Variants in ULK4 observed in about 807,000 individuals in gnomAD.
ULK4 encodes the protein inactive serine/threonine-protein kinase ULK4.
In ULK4, 133 loss-of-function variants were observed where a neutral mutation model predicts 160.6. The ratio of observed to expected loss-of-function variants is 0.83; its 90% confidence interval spans 0.72 to 0.96. The LOEUF (loss-of-function observed/expected upper bound fraction) is 0.96. Among genes scored for constraint, ULK4 ranks in the 40% least tolerant of loss-of-function variants. The pLI is 0.00. For missense variants in ULK4, 1,580 were observed against 1,499.5 expected (o/e 1.05, Z -0.89); for synonymous variants, 534 against 539.8 (o/e 0.99, Z 0.15).
chr3:41,947,769 A>G (rs1414229657), intron 2 of ULK4, among the ~76,000 whole-genome samples: 1 of 152,192 alleles, frequency 6.6e-6, no homozygotes, highest in East Asian at 1.9e-4. Context: ...AACCATTTGA[A>G]TGGAGTGTTT....
intron 2 of ULK4, among the ~76,000 whole-genome samples, chr3:41,940,634 G>T (rs1191961276): frequency 6.6e-6 from 1 of 151,904 alleles, no homozygotes; most frequent in Non-Finnish European, 1.5e-5. Context: ...TCCAGCCTGG[G>T]CAAGACAGCA....
chr3:41,601,424 G>A (rs1403070411), intron 31 of ULK4, among the ~76,000 whole-genome samples: 9 of 152,122 alleles, frequency 5.9e-5, no homozygotes, highest in Non-Finnish European at 1.2e-4. Context: ...TGCCCCCAAG[G>A]AGATAGAGCT....
rs1175663892 is a variant in ULK4, at chr3:41,747,146, G to T, written c.2321+7215C>A. Among the ~76,000 whole-genome samples, 5 of 151,960 alleles carry T rather than the reference G, an allele frequency of 3.3e-5. No individual in the cohort carries two copies. In the East Asian group the frequency reaches 7.7e-4, roughly 23 times the overall value. ...AATACACACCATTAAAGGAAAAAAT[G>T]ATAAAGTGAACCCATTAAAATTCAA... On this transcript the variant is annotated intron_variant, in intron 22 of 36. Coordinates refer to ENST00000301831, the MANE Select transcript of ULK4 (RefSeq NM_017886.4).
At chr3:41,504,828 T>G (rs952032241) in intron 32 of ULK4, among the ~76,000 whole-genome samples, 2 of 152,042 alleles carry the variant, frequency 1.3e-5, no homozygotes, top group African/African-American at 4.8e-5. Flanking sequence ...TAATCAAGAG[T>G]CATAATTTAA....
rs537223187 is a variant in ULK4, at chr3:41,581,094, C to A, written c.3121-14964G>T. 4.6e-5 allele frequency among the ~76,000 whole-genome samples: 7 copies of A among 152,162 alleles called. No individual in the cohort carries two copies. The South Asian group carries it at 1.5e-3, about 32-fold the overall frequency. On this transcript the variant is annotated intron_variant, in intron 31 of 36. Coordinates refer to ENST00000301831, the MANE Select transcript of ULK4 (RefSeq NM_017886.4). Reference sequence around the variant, plus strand: ...CCCATTCACCCTTTCCCAGAATATACACTAATCAACCCAAGAACAATATAA... The same window carrying A: ...CCCATTCACCCTTTCCCAGAATATAAACTAATCAACCCAAGAACAATATAA...
chr3:41,515,416 A>T (rs2085718150), intron 32 of ULK4, among the ~76,000 whole-genome samples: 1 of 152,216 alleles, frequency 6.6e-6, no homozygotes, highest in African/African-American at 2.4e-5. Flanking sequence ...TGTGGATGAC[A>T]CAGAAAATGC....
intron 34 of ULK4, among the ~76,000 whole-genome samples, chr3:41,445,338 A>G (rs905062890): frequency 5.4e-4 from 82 of 152,336 alleles, no homozygotes; most frequent in African/African-American, 1.9e-3. Flanking sequence ...CCATCAAGCT[A>G]CCAATGACTT....
At chr3:41,636,081 T>C (rs1311643265) in intron 30 of ULK4, among the ~76,000 whole-genome samples, 1 of 152,008 alleles carries the variant, frequency 6.6e-6, no homozygotes, top group Non-Finnish European at 1.5e-5. Flanking sequence ...CCTCACTCAA[T>C]TCTCTACCTT....
chr3:41,475,650 C>T (rs1032423038), intron 32 of ULK4, among the ~76,000 whole-genome samples: 6 of 151,956 alleles, frequency 3.9e-5, no homozygotes, highest in African/African-American at 1.5e-4. Flanking sequence ...AAAAAAAGAA[C>T]GTTAAACTGA....
intron 17 of ULK4, among the ~76,000 whole-genome samples, chr3:41,859,120 G>A (rs1377633166): frequency 6.6e-6 from 1 of 152,188 alleles, no homozygotes; most frequent in East Asian, 1.9e-4. Flanking sequence ...TCTGGAGTCA[G>A]CACAGTTCAG....
chr3:41,670,431 A>G (rs2035499218), intron 29 of ULK4, among the ~76,000 whole-genome samples: 3 of 152,130 alleles, frequency 2.0e-5, no homozygotes, highest in African/African-American at 7.2e-5. Flanking sequence ...TTTTTATGTG[A>G]TTGAGCTCTG....
intron 17 of ULK4, among the ~76,000 whole-genome samples, chr3:41,881,541 T>C (rs1278074080): frequency 6.6e-6 from 1 of 152,122 alleles, no homozygotes; most frequent in Non-Finnish European, 1.5e-5. Context: ...AACTAAAAAG[T>C]GTTGAGAAAT....
At chr3:41,320,920 A>C (rs1368527853) in intron 35 of ULK4, among the ~76,000 whole-genome samples, 2 of 152,138 alleles carry the variant, frequency 1.3e-5, no homozygotes, top group East Asian at 3.9e-4. Flanking sequence ...GTCTCAAAAT[A>C]ATAAAATAAA....
intron 34 of ULK4, among the ~76,000 whole-genome samples, chr3:41,446,659 T>G (rs2083303217): frequency 7.1e-6 from 1 of 140,632 alleles, no homozygotes; most frequent in African/African-American, 2.7e-5. Context: ...TTCTCACTGA[T>G]GGGTGTGAAT....
intron 35 of ULK4, among the ~76,000 whole-genome samples, chr3:41,290,070 C>T (rs1384618451): frequency 2.0e-5 from 3 of 152,022 alleles, no homozygotes; most frequent in African/African-American, 7.2e-5. Context: ...AGACGGAGTT[C>T]CTCCATGTTG....
chr3:41,784,159 G>T (rs1344093777), intron 21 of ULK4, among the ~76,000 whole-genome samples: 3 of 152,096 alleles, frequency 2.0e-5, no homozygotes, highest in East Asian at 3.9e-4. Flanking sequence ...TATTGGCCAG[G>T]CGTGGTGGCT....
intron 34 of ULK4, among the ~76,000 whole-genome samples, chr3:41,416,199 C>A (rs2082522284): frequency 6.6e-6 from 1 of 152,076 alleles, no homozygotes; most frequent in African/African-American, 2.4e-5. Flanking sequence ...AACTGGTAGG[C>A]CCTGGGACAA....
chr3:41,833,842 C>T (rs964621160), intron 18 of ULK4, among the ~76,000 whole-genome samples: 25 of 152,068 alleles, frequency 1.6e-4, no homozygotes, highest in African/African-American at 3.9e-4. Flanking sequence ...TATTTAAATG[C>T]GCTTTATTTC....
At chr3:41,305,662 C>T (rs1483358251) in intron 35 of ULK4, among the ~76,000 whole-genome samples, 4 of 151,802 alleles carry the variant, frequency 2.6e-5, no homozygotes, top group East Asian at 2.0e-4. Context: ...AAGTGAGGAG[C>T]GTCTCTGCCT....
Sources: allele counts gnomAD v4.1 joint callset (sites outside exome capture counted in the v4.1 genomes callset), GRCh38; gene constraint gnomAD v4.1.1; transcripts MANE v1.5; gene names NCBI Gene and HGNC (gene_info 2026-07-23, HGNC 2026-07-21).